Variants in MYO16 observed in about 807,000 individuals in gnomAD.
MYO16 encodes myosin XVI.
Under a neutral mutation model 205.3 loss-of-function variants are expected in MYO16, and 94 were observed. The observed-to-expected ratio is 0.46, with a 90% CI of 0.39 to 0.54. The LOEUF (loss-of-function observed/expected upper bound fraction) is 0.54, where lower values mean the gene tolerates loss of function less well. Ranked by LOEUF, MYO16 falls within the 20% of genes least tolerant of loss-of-function variation. The probability of loss-of-function intolerance (pLI) is 0.00; values close to 1 mark genes in which losing one functional copy is unlikely to be tolerated. For missense variants in MYO16, 2,315 were observed against 2,387.5 expected (o/e 0.97, Z 0.63); for synonymous variants, 988 against 954.0 (o/e 1.04, Z -0.66).
At chr13:108,759,288 T>G (rs184147406) in intron 4 of MYO16, among the ~76,000 whole-genome samples, 130 of 152,344 alleles carry the variant, frequency 8.5e-4, no homozygotes, top group African/African-American at 3.1e-3. Context: ...CCAGTTGTGT[T>G]TATGTAGATA....
At chr13:108,667,807 A>C (rs917152899) in intron 2 of MYO16, among the ~76,000 whole-genome samples, 1 of 152,156 alleles carries the variant, frequency 6.6e-6, no homozygotes, top group East Asian at 1.9e-4. Flanking sequence ...ACACTTTGGG[A>C]GGCATAGGTG....
At chr13:108,572,659 A>G in the MYO16 span, among the ~76,000 whole-genome samples, 1 of 152,106 alleles carries the variant, frequency 6.6e-6, no homozygotes, top group Non-Finnish European at 1.5e-5. Flanking sequence ...AAGTTCCTTT[A>G]TCGTTTTTTT....
intron 4 of MYO16, among the ~76,000 whole-genome samples, chr13:108,731,222 T>A (rs1192205652): frequency 2.0e-5 from 3 of 152,242 alleles, no homozygotes. Context: ...ATGCATGCAT[T>A]GCTGTTTGTT....
intron 33 of MYO16, among the ~76,000 whole-genome samples, chr13:109,173,746 T>C (rs1315119127): frequency 6.6e-6 from 1 of 151,656 alleles, no homozygotes; most frequent in Non-Finnish European, 1.5e-5. Flanking sequence ...ATGCAAAAAA[T>C]TAGCCGGGCG....
the MYO16 span, among the ~76,000 whole-genome samples, chr13:108,547,729 C>T: frequency 2.0e-5 from 3 of 152,174 alleles, no homozygotes; most frequent in South Asian, 2.1e-4. Flanking sequence ...GAATAACAAT[C>T]GCCATAGAAA....
chr13:108,510,425 A>ATTTTT, the MYO16 span, among the ~76,000 whole-genome samples: 55 of 97,080 alleles, frequency 5.7e-4, no homozygotes, highest in Admixed American at 2.8e-3. Flanking sequence ...TAGATAGTTA[A>ATTTTT]TTTTTTTTTT....
At chr13:109,067,425 G>A (rs1887787465) in intron 27 of MYO16, among the ~76,000 whole-genome samples, 4 of 152,142 alleles carry the variant, frequency 2.6e-5, no homozygotes, top group Admixed American at 2.6e-4. Flanking sequence ...CCAGGAGGTA[G>A]GTTCAAAGTC....
intron 24 of MYO16, among the ~76,000 whole-genome samples, chr13:109,051,866 C>T (rs184959788): frequency 6.6e-6 from 1 of 152,118 alleles, no homozygotes; most frequent in Non-Finnish European, 1.5e-5. Flanking sequence ...CAGGTACTTA[C>T]AGACGGCTCT....
At chr13:108,847,054 G>A (rs1312027227) in intron 10 of MYO16, among the ~76,000 whole-genome samples, 1 of 152,126 alleles carries the variant, frequency 6.6e-6, no homozygotes, top group African/African-American at 2.4e-5. Context: ...TTTCATCAAG[G>A]TACTGAGATT....
At chr13:109,176,987 T>C (rs1199920236) in intron 33 of MYO16, among the ~76,000 whole-genome samples, 6 of 152,230 alleles carry the variant, frequency 3.9e-5, no homozygotes, top group African/African-American at 1.4e-4. Flanking sequence ...ACTTCTCTTC[T>C]GGGAAGTCTG....
chr13:109,100,816 GAGA>G lies in MYO16; in HGVS notation c.3373_3375del (p.Lys1125del). 6.2e-7 allele frequency: 1 copy of G among 1,613,630 alleles called. No homozygotes were observed. The highest frequency in any genetic ancestry group is 8.5e-7 in the Non-Finnish European group (1 of 1,179,640). ...GCCACTGGCTGATACATTCCTGCGT[GAGA>G]AGAAGGAACAGTCAGCTGCCGAGCG... On this transcript the variant is annotated inframe_deletion, in exon 28 of 35. Coordinates refer to ENST00000457511, the MANE Select transcript of MYO16 (RefSeq NM_001198950.3).
In MYO16 at chr13:109,171,201, G is replaced by T. The variant is rs537444822; in HGVS notation, c.5323+6142G>T. Among the ~76,000 whole-genome samples, 7 of 152,240 alleles carry T rather than the reference G, an allele frequency of 4.6e-5. No homozygotes were observed. In the South Asian group the frequency reaches 1.5e-3, roughly 32 times the overall value. On this transcript the variant is annotated intron_variant, in intron 33 of 34. Coordinates refer to ENST00000457511, the MANE Select transcript of MYO16 (RefSeq NM_001198950.3). ...GGAACCAGTAAATCCCATACAGAGG[G>T]CAGAGTCAGAAAAACTGCCTCGTCA...
chr13:109,045,785 C>G (rs61970233), intron 23 of MYO16, among the ~76,000 whole-genome samples: 49,363 of 152,076 alleles, frequency 0.32, 9,030 homozygotes, highest in East Asian at 0.82. Flanking sequence ...GTCTGCACAG[C>G]CCTTTCTTCA....
chr13:109,066,277 A>G (rs147709989), intron 27 of MYO16, among the ~76,000 whole-genome samples: 8 of 152,218 alleles, frequency 5.3e-5, no homozygotes, highest in African/African-American at 1.9e-4. Context: ...ACTACTGTCA[A>G]TGCATCCTTT....
the MYO16 span, among the ~76,000 whole-genome samples, chr13:108,578,725 G>A: frequency 1.3e-5 from 2 of 152,162 alleles, no homozygotes; most frequent in South Asian, 2.1e-4. Flanking sequence ...ACTATTCGTC[G>A]AGATACACAT....
intron 4 of MYO16, among the ~76,000 whole-genome samples, chr13:108,737,897 C>G (rs1285822853): frequency 6.6e-6 from 1 of 152,160 alleles, no homozygotes; most frequent in African/African-American, 2.4e-5. Context: ...TTATCCATTT[C>G]TTCTAGATTT....
intron 6 of MYO16, among the ~76,000 whole-genome samples, chr13:108,800,531 A>G (rs931795950): frequency 3.9e-5 from 6 of 152,158 alleles, no homozygotes; most frequent in African/African-American, 1.2e-4. Flanking sequence ...TCCAATTTAC[A>G]TATATAGTCT....
At chr13:108,824,629 A>C (rs1876156301) in intron 9 of MYO16, among the ~76,000 whole-genome samples, 1 of 152,134 alleles carries the variant, frequency 6.6e-6, no homozygotes. Flanking sequence ...CAGATCTAAC[A>C]GACATATTTA....
Position 108,602,408 on chromosome 13 carries a change from C to T in MYO16, c.-39+6169C>T, listed in dbSNP as rs373455993. Among the ~76,000 whole-genome samples, 94 of 152,206 alleles carry T rather than the reference C, an allele frequency of 6.2e-4. 1 individual carries two copies. The highest frequency in any genetic ancestry group is 1.9e-3 in the African/African-American group (79 of 41,526). ...TGCACTCTTTGCTAGTCATTTTCTACGTAATTGCGATCTTGAACATGTGTA... is the reference window on the plus strand; with the variant it reads ...TGCACTCTTTGCTAGTCATTTTCTATGTAATTGCGATCTTGAACATGTGTA... On this transcript the variant is annotated intron_variant, in intron 1 of 24. Coordinates refer to the MYO16 transcript ENST00000251041.
Sources: allele counts gnomAD v4.1 joint callset (sites outside exome capture counted in the v4.1 genomes callset), GRCh38; gene constraint gnomAD v4.1.1; transcripts MANE v1.5; gene names NCBI Gene and HGNC (gene_info 2026-07-23, HGNC 2026-07-21).